CACNB2: variants seen among roughly 807,000 people sequenced by gnomAD.
CACNB2 encodes the protein voltage-dependent L-type calcium channel subunit beta-2.
A neutral mutation model predicts 73.3 loss-of-function variants in CACNB2; 42 were observed. The observed-to-expected ratio is 0.57, with a 90% CI of 0.45 to 0.74. The LOEUF is 0.74. Ranked by LOEUF, CACNB2 falls within the 30% of genes least tolerant of loss-of-function variation. The probability of loss-of-function intolerance (pLI) is 0.00; values close to 1 mark genes in which losing one functional copy is unlikely to be tolerated. For synonymous variants in CACNB2, 348 were observed against 310.3 expected (o/e 1.12, Z -1.28); for missense variants, 940 against 853.0 (o/e 1.10, Z -1.27).
At chr10:18,418,279 T>A (rs2132694189) in intron 3 of CACNB2, among the ~76,000 whole-genome samples, 1 of 152,332 alleles carries the variant, frequency 6.6e-6, no homozygotes, top group South Asian at 2.1e-4. Context: ...TTCACGATAT[T>A]AGCCAGGATG....
intron 3 of CACNB2, among the ~76,000 whole-genome samples, chr10:18,481,952 C>T (rs1012265750): frequency 5.3e-5 from 8 of 152,038 alleles, no homozygotes; most frequent in African/African-American, 7.2e-5. Flanking sequence ...TGCAATGGCG[C>T]GATCTCGGCT....
intron 2 of CACNB2, among the ~76,000 whole-genome samples, chr10:18,398,008 A>G (rs1321692308): frequency 6.6e-6 from 1 of 152,210 alleles, no homozygotes; most frequent in East Asian, 1.9e-4. Context: ...CCAGCTAATC[A>G]CGTTGTAAGA....
At chr10:18,475,086 A>G (rs946205083) in intron 3 of CACNB2, among the ~76,000 whole-genome samples, 1 of 150,540 alleles carries the variant, frequency 6.6e-6, no homozygotes, top group Non-Finnish European at 1.5e-5. Flanking sequence ...TTATAAGAGG[A>G]TACAACTCAG....
intron 2 of CACNB2, chr10:18,261,281 C>G (rs372062152): frequency 6.4e-7 from 1 of 1,551,380 alleles, no homozygotes. Context: ...TGCAGTGCTG[C>G]GGGCTGGTGC....
chr10:18,437,412 C>G (rs1321095752), intron 3 of CACNB2, among the ~76,000 whole-genome samples: 1 of 152,158 alleles, frequency 6.6e-6, no homozygotes, highest in African/African-American at 2.4e-5. Context: ...AACCAAATAG[C>G]GTATCGTTGA....
At chr10:18,302,348 T>C (rs1407046066) in intron 2 of CACNB2, among the ~76,000 whole-genome samples, 1 of 152,318 alleles carries the variant, frequency 6.6e-6, no homozygotes, top group East Asian at 1.9e-4. Flanking sequence ...GCAGAAGCGA[T>C]AGCGCCTGTA....
intron 7 of CACNB2, among the ~76,000 whole-genome samples, chr10:18,514,817 T>C (rs1246046803): frequency 1.3e-5 from 2 of 152,230 alleles, no homozygotes; most frequent in African/African-American, 4.8e-5. Context: ...AAATTGTGCA[T>C]GCTTATTCTA....
chr10:18,415,758 A>C (rs1315764792), intron 3 of CACNB2, among the ~76,000 whole-genome samples: 1 of 152,188 alleles, frequency 6.6e-6, no homozygotes, highest in Non-Finnish European at 1.5e-5. Context: ...TAATGGCCCA[A>C]GCATTTTTTC....
intron 2 of CACNB2, among the ~76,000 whole-genome samples, chr10:18,187,451 T>C (rs1199117864): frequency 6.6e-6 from 1 of 152,214 alleles, no homozygotes; most frequent in Non-Finnish European, 1.5e-5. Context: ...TCTAACACTT[T>C]GTTTGAATCA....
chr10:18,467,103 A>C (rs942803671), intron 3 of CACNB2, among the ~76,000 whole-genome samples: 16 of 152,182 alleles, frequency 1.1e-4, no homozygotes, highest in South Asian at 2.1e-4. Context: ...GCAGTGAGCC[A>C]AGATCACAAC....
intron 6 of CACNB2, among the ~76,000 whole-genome samples, chr10:18,509,860 A>T (rs2133094120): frequency 6.6e-6 from 1 of 152,336 alleles, no homozygotes; most frequent in South Asian, 2.1e-4. Flanking sequence ...TAATATATGC[A>T]TGCTAGTGAG....
At chr10:18,292,280 C>T (rs1046536286) in intron 2 of CACNB2, among the ~76,000 whole-genome samples, 2 of 152,148 alleles carry the variant, frequency 1.3e-5, no homozygotes, top group African/African-American at 2.4e-5. Context: ...TAATTGCCCT[C>T]AATCAATGAT....
chr10:18,307,692 A>G (rs1213458248), intron 2 of CACNB2, among the ~76,000 whole-genome samples: 2 of 152,212 alleles, frequency 1.3e-5, no homozygotes, highest in African/African-American at 4.8e-5. Flanking sequence ...TGAACATATA[A>G]TTTGATGCCA....
chr10:18,477,051 A>G (rs1380905748), intron 3 of CACNB2, among the ~76,000 whole-genome samples: 1 of 151,842 alleles, frequency 6.6e-6, no homozygotes, highest in East Asian at 1.9e-4. Flanking sequence ...CTCATCTGCC[A>G]CACAGAAAAA....
Position 18,402,065 on chromosome 10 carries a change from C to A in CACNB2, c.333+22C>A, listed in dbSNP as rs372876708. ...AAAGGTAAAATCGTTTCCTCCCTGCCAAGATCTTTGCAAGTTGTGCTGTGC... is the reference window on the plus strand; with the variant it reads ...AAAGGTAAAATCGTTTCCTCCCTGCAAAGATCTTTGCAAGTTGTGCTGTGC... On this transcript the variant is annotated intron_variant, in intron 3 of 13. Transcript: ENST00000324631. The A allele has an allele frequency of 3.0e-4, 488 of 1,611,834 alleles. 3 individuals are homozygous for A. The highest frequency in any genetic ancestry group is 1.4e-4 in the Non-Finnish European group (163 of 1,179,372).
chr10:18,471,979 A>C (rs922474659), intron 3 of CACNB2, among the ~76,000 whole-genome samples: 2 of 152,126 alleles, frequency 1.3e-5, no homozygotes, highest in Admixed American at 6.6e-5. Flanking sequence ...AGTAACAAAT[A>C]TGTCTCACCC....
intron 2 of CACNB2, among the ~76,000 whole-genome samples, chr10:18,255,764 A>G (rs939626465): frequency 1.3e-5 from 2 of 152,234 alleles, no homozygotes; most frequent in African/African-American, 2.4e-5. Flanking sequence ...GTATTTAAGC[A>G]GGTGTCTGTC....
intron 3 of CACNB2, among the ~76,000 whole-genome samples, chr10:18,410,143 C>T (rs1210767241): frequency 1.3e-5 from 2 of 152,282 alleles, no homozygotes; most frequent in East Asian, 1.9e-4. Flanking sequence ...ACTCCTTAGC[C>T]GTCCTGCCCG....
chr10:18,463,604 T>TG (rs2047704143), intron 3 of CACNB2, among the ~76,000 whole-genome samples: 2 of 146,456 alleles, frequency 1.4e-5, no homozygotes, highest in South Asian at 2.2e-4. Flanking sequence ...TGTTGTTTTT[T>TG]GTTTTTTTTT....
Sources: allele counts gnomAD v4.1 joint callset (sites outside exome capture counted in the v4.1 genomes callset), GRCh38; gene constraint gnomAD v4.1.1; transcripts MANE v1.5; gene names NCBI Gene and HGNC (gene_info 2026-07-23, HGNC 2026-07-21).